Variants in MMP16 observed in about 807,000 individuals in gnomAD.
The protein encoded by MMP16 is matrix metalloproteinase-16.
MMP16 carries 12 observed loss-of-function variants against 67.8 expected under a neutral mutation model. That is an observed-to-expected ratio of 0.18 (90% confidence interval 0.11 to 0.29). The LOEUF is 0.29. Ranked by LOEUF, MMP16 falls within the 10% of genes least tolerant of loss-of-function variation. The probability of loss-of-function intolerance (pLI) is 1.00; values close to 1 mark genes in which losing one functional copy is unlikely to be tolerated. For missense variants in MMP16, 475 were observed against 765.7 expected, an observed-to-expected ratio of 0.62 and a Z score of 4.48; for synonymous variants, 249 against 255.9, an observed-to-expected ratio of 0.97 and a Z score of 0.26.
At chr8:88,289,812 A>C (rs895190504) in intron 1 of MMP16, among the ~76,000 whole-genome samples, 6 of 152,040 alleles carry the variant, frequency 3.9e-5, no homozygotes, top group African/African-American at 1.5e-4. Flanking sequence ...AAAAGGAAAA[A>C]AAAATTCACA....
intron 8 of MMP16, among the ~76,000 whole-genome samples, chr8:88,047,354 A>G (rs1002910493): frequency 6.6e-6 from 1 of 152,154 alleles, no homozygotes; most frequent in Non-Finnish European, 1.5e-5. Context: ...ACATTATAGG[A>G]TATGTGAGGA....
Position 88,118,739 on chromosome 8 carries a change from G to C in MMP16, c.832C>G (p.Leu278Val). ...YQYMETDNFK[L>V]PNDDLQGIQK... ...ATGCCCTGTAAATCATCATTAGGTA[G>C]TTTGAAGTTGTCTGTTTCCATGTAC... The change falls in exon 5 of 10, where the codon CTA (leucine) becomes GTA (valine). Residue 278 changes from leucine to valine, a missense_variant. Transcript: ENST00000286614. 1 of 1,613,412 alleles carries C rather than the reference G, an allele frequency of 6.2e-7. No homozygotes were observed. Among genetic ancestry groups the C allele is most frequent in the Non-Finnish European group, 8.5e-7 (1 of 1,179,548 alleles).
At position 88,045,484 on chromosome 8, in the gene MMP16, CCTCAGGCT is replaced by C. The variant is rs567042283; in HGVS notation, c.1489+1177_1489+1184del. Among the ~76,000 whole-genome samples the C allele has an allele frequency of 1.6e-3, 246 of 152,218 alleles. 4 individuals are homozygous for C. Among genetic ancestry groups the C allele is most frequent in the South Asian group, 0.012 (57 of 4,814 alleles). On this transcript the variant is annotated intron_variant, in intron 9 of 9. Transcript: ENST00000286614. ...CTTCTGGGTTCAAGCAATCCTCCTG[CCTCAGGCT>C]CCTGAATAGCTGGGACTACAGGTAC...
chr8:88,299,009 T>C (rs1318707607), intron 1 of MMP16, among the ~76,000 whole-genome samples: 1 of 152,186 alleles, frequency 6.6e-6, no homozygotes, highest in Non-Finnish European at 1.5e-5. Flanking sequence ...CATTTTTTTT[T>C]CTTTTTGGAA....
chr8:88,249,664 C>G (rs1344840928), intron 1 of MMP16, among the ~76,000 whole-genome samples: 1 of 152,014 alleles, frequency 6.6e-6, no homozygotes, highest in African/African-American at 2.4e-5. Flanking sequence ...TTGGGAATAT[C>G]ATTTTCCTTT....
chr8:88,308,534 C>T (rs774376569), intron 1 of MMP16, among the ~76,000 whole-genome samples: 1 of 151,966 alleles, frequency 6.6e-6, no homozygotes, highest in East Asian at 1.9e-4. Flanking sequence ...TAGTTCTCAA[C>T]GAAACCTGAG....
intron 6 of MMP16, among the ~76,000 whole-genome samples, chr8:88,078,568 A>AG (rs1808691230): frequency 6.6e-6 from 1 of 152,118 alleles, no homozygotes; most frequent in Non-Finnish European, 1.5e-5. Flanking sequence ...CTTTTAAAAA[A>AG]TGAATCAGCT....
chr8:88,209,553 G>A (rs1052556326), intron 1 of MMP16, among the ~76,000 whole-genome samples: 1 of 151,884 alleles, frequency 6.6e-6, no homozygotes, highest in African/African-American at 2.4e-5. Context: ...GACTACATGG[G>A]GATCTGTGTC....
At chr8:88,071,761 A>C (rs112793621) in intron 7 of MMP16, among the ~76,000 whole-genome samples, 1 of 152,158 alleles carries the variant, frequency 6.6e-6, no homozygotes, top group South Asian at 2.1e-4. Context: ...ACAACAAACT[A>C]TGACCATAGC....
At chr8:88,276,685 T>C (rs917923996) in intron 1 of MMP16, among the ~76,000 whole-genome samples, 2 of 152,134 alleles carry the variant, frequency 1.3e-5, no homozygotes. Flanking sequence ...GTCATTCCTA[T>C]TCAGATGTTC....
At chr8:88,150,669 T>G (rs1290863042) in intron 4 of MMP16, among the ~76,000 whole-genome samples, 1 of 103,776 alleles carries the variant, frequency 9.6e-6, no homozygotes, top group Non-Finnish European at 1.9e-5. Flanking sequence ...TGCTGAGAGA[T>G]TTTGTCACCA....
At chr8:88,326,522 T>C (rs1393402308) in intron 1 of MMP16, among the ~76,000 whole-genome samples, 1 of 152,102 alleles carries the variant, frequency 6.6e-6, no homozygotes, top group South Asian at 2.1e-4. Flanking sequence ...CCAGATCTAG[T>C]TACAGTGTAT....
chr8:88,099,780 C>G (rs150403460), intron 6 of MMP16, among the ~76,000 whole-genome samples: 1 of 151,948 alleles, frequency 6.6e-6, no homozygotes, highest in East Asian at 2.0e-4. Flanking sequence ...TTTTAATGAC[C>G]ATGTTTTAAA....
intron 7 of MMP16, among the ~76,000 whole-genome samples, chr8:88,062,877 G>A (rs903492484): frequency 1.3e-5 from 2 of 152,098 alleles, no homozygotes; most frequent in Admixed American, 6.6e-5. Flanking sequence ...AGTTAAGTAT[G>A]TAAGATTCAT....
chr8:88,290,976 T>C (rs527420055), intron 1 of MMP16, among the ~76,000 whole-genome samples: 1 of 152,262 alleles, frequency 6.6e-6, no homozygotes, highest in Admixed American at 6.5e-5. Flanking sequence ...TAATTTGACA[T>C]TTGATGTCAA....
At chr8:88,156,829 A>C (rs1346701706) in intron 4 of MMP16, among the ~76,000 whole-genome samples, 1 of 152,126 alleles carries the variant, frequency 6.6e-6, no homozygotes, top group Non-Finnish European at 1.5e-5. Flanking sequence ...GATGAATTAG[A>C]AGGAAAATTT....
At chr8:88,210,051 G>A (rs1809489310) in intron 1 of MMP16, among the ~76,000 whole-genome samples, 1 of 152,238 alleles carries the variant, frequency 6.6e-6, no homozygotes, top group Non-Finnish European at 1.5e-5. Context: ...ACTACAAGAA[G>A]TTGGCAGTCT....
chr8:88,148,857 G>C (rs1479641406), intron 4 of MMP16, among the ~76,000 whole-genome samples: 2 of 152,188 alleles, frequency 1.3e-5, no homozygotes, highest in Non-Finnish European at 2.9e-5. Context: ...ATGGGGAGGA[G>C]CCAAGATGGC....
At chr8:88,300,646 T>C (rs768470661) in intron 1 of MMP16, among the ~76,000 whole-genome samples, 1 of 152,216 alleles carries the variant, frequency 6.6e-6, no homozygotes, top group Non-Finnish European at 1.5e-5. Context: ...ACCACAGGTA[T>C]GTACGTACAG....
Sources: gnomAD v4.1 joint callset for allele counts (sites outside exome capture counted in the v4.1 genomes callset) on GRCh38, gnomAD v4.1.1 for gene constraint, MANE v1.5 for transcripts, NCBI Gene and HGNC (gene_info 2026-07-23, HGNC 2026-07-21) for gene names.